CAST: variants seen among roughly 807,000 people sequenced by gnomAD.
CAST encodes the protein MIR583 host.
CAST carries 76 observed loss-of-function variants against 119.6 expected under a neutral mutation model. That is an observed-to-expected ratio of 0.64 (90% CI 0.53 to 0.77). The LOEUF is 0.77. Ranked by LOEUF, CAST falls within the 30% of genes least tolerant of loss-of-function variation. The pLI is 0.00. For missense variants in CAST, 953 were observed against 946.5 expected (o/e 1.01, Z -0.09); for synonymous variants, 319 against 331.6 (o/e 0.96, Z 0.41).
chr5:96,722,200 C>T (rs1269868783), intron 3 of CAST, among the ~76,000 whole-genome samples: 2 of 152,154 alleles, frequency 1.3e-5, no homozygotes, highest in Non-Finnish European at 2.9e-5. Context: ...AGTCACAGAG[C>T]TTGTAACTGA....
At chr5:96,118,573 A>C in the CAST span, among the ~76,000 whole-genome samples, 1 of 152,112 alleles carries the variant, frequency 6.6e-6, no homozygotes, top group East Asian at 1.9e-4. Flanking sequence ...CTACTGACTA[A>C]CCAATTCTCT....
chr5:96,678,796 G>A (rs184163044), intron 2 of CAST, among the ~76,000 whole-genome samples: 2 of 152,028 alleles, frequency 1.3e-5, no homozygotes, highest in Non-Finnish European at 2.9e-5. Flanking sequence ...GCAGTGAGCC[G>A]AGATCACGCC....
chr5:96,360,250 G>A, the CAST span, among the ~76,000 whole-genome samples: 3 of 151,780 alleles, frequency 2.0e-5, no homozygotes, highest in Non-Finnish European at 4.4e-5. Context: ...TTTTTTCAAG[G>A]TTCTTAGCCT....
At chr5:96,067,638 C>A in the CAST span, among the ~76,000 whole-genome samples, 1 of 152,154 alleles carries the variant, frequency 6.6e-6, no homozygotes, top group Non-Finnish European at 1.5e-5. Flanking sequence ...CACCTATCTG[C>A]AAATACAAAA....
upstream of CAST, among the ~76,000 whole-genome samples, chr5:96,528,200 T>C (rs943187151): frequency 1.9e-4 from 29 of 152,328 alleles, no homozygotes; most frequent in Admixed American, 1.6e-3. Flanking sequence ...AGTATTCAAA[T>C]CTAGGTGGTC....
intron 3 of CAST, among the ~76,000 whole-genome samples, chr5:96,720,768 CA>C (rs1758093138): frequency 1.3e-5 from 2 of 152,190 alleles, no homozygotes; most frequent in Admixed American, 1.3e-4. Context: ...GCAGGCTGGA[CA>C]ATTCAAGGCA....
chr5:96,425,253 T>G, the CAST span, among the ~76,000 whole-genome samples: 1 of 152,224 alleles, frequency 6.6e-6, no homozygotes, highest in Non-Finnish European at 1.5e-5. Flanking sequence ...GAGGACACCC[T>G]GCAGGTAGAC....
chr5:96,216,319 T>C, the CAST span, among the ~76,000 whole-genome samples: 1 of 152,154 alleles, frequency 6.6e-6, no homozygotes, highest in Non-Finnish European at 1.5e-5. Flanking sequence ...AACCCCCACA[T>C]TGTTCAAGGG....
upstream of CAST, among the ~76,000 whole-genome samples, chr5:96,661,667 C>G (rs1327151584): frequency 6.6e-6 from 1 of 152,148 alleles, no homozygotes; most frequent in East Asian, 1.9e-4. Flanking sequence ...TTAAGATGAG[C>G]CCAAGAAGAA....
the CAST span, among the ~76,000 whole-genome samples, chr5:96,380,965 T>A: frequency 1.1e-4 from 17 of 152,328 alleles, no homozygotes; most frequent in South Asian, 3.3e-3. Context: ...CTACATTGTA[T>A]CTTTTAAAAA....
upstream of CAST, chr5:96,662,322 T>TCCCCC: frequency 1.8e-6 from 1 of 567,040 alleles, no homozygotes; most frequent in Non-Finnish European, 2.5e-6. Flanking sequence ...GGCCCTCCGC[T>TCCCCC]CCCTCCCTCC....
At chr5:96,577,050 C>T (rs1337228475) in intron 1 of CAST, among the ~76,000 whole-genome samples, 1 of 152,144 alleles carries the variant, frequency 6.6e-6, no homozygotes. Context: ...GTTCTCATTG[C>T]TTAGCTCCCA....
intron 1 of CAST, among the ~76,000 whole-genome samples, chr5:96,589,757 G>A (rs948848490): frequency 1.3e-5 from 2 of 152,156 alleles, no homozygotes; most frequent in South Asian, 4.1e-4. Context: ...TTTTCTTTGA[G>A]TATGTTCAAT....
At chr5:96,592,793 C>G (rs1402835654) in intron 1 of CAST, among the ~76,000 whole-genome samples, 4 of 149,220 alleles carry the variant, frequency 2.7e-5, no homozygotes, top group Non-Finnish European at 4.4e-5. Flanking sequence ...GAGACAGAGT[C>G]TTGCTCTGTC....
intron 1 of CAST, among the ~76,000 whole-genome samples, chr5:96,621,945 C>T (rs887603439): frequency 2.7e-5 from 4 of 149,554 alleles, no homozygotes; most frequent in Non-Finnish European, 4.4e-5. Flanking sequence ...TTAGAGTTAG[C>T]ATTCTTTTTT....
intron 1 of CAST, among the ~76,000 whole-genome samples, chr5:96,554,680 T>C (rs937527514): frequency 6.6e-6 from 1 of 151,990 alleles, no homozygotes; most frequent in Admixed American, 6.6e-5. Context: ...ATATCCAGAA[T>C]CCATAAAGAA....
intron 1 of CAST, among the ~76,000 whole-genome samples, chr5:96,579,632 A>G (rs1292287506): frequency 1.3e-5 from 2 of 152,110 alleles, no homozygotes; most frequent in African/African-American, 4.8e-5. Flanking sequence ...CCGCTGTGCT[A>G]TTCCTCCTGA....
the CAST span, among the ~76,000 whole-genome samples, chr5:96,069,266 C>T: frequency 6.6e-6 from 1 of 151,390 alleles, no homozygotes; most frequent in Non-Finnish European, 1.5e-5. Flanking sequence ...CACATATATA[C>T]ACAAATATAT....
the CAST span, among the ~76,000 whole-genome samples, chr5:96,169,519 G>A: frequency 1.3e-5 from 2 of 152,170 alleles, no homozygotes; most frequent in African/African-American, 2.4e-5. Flanking sequence ...CCGGTTTTTG[G>A]ACAGGTAAAA....
Sources: allele counts gnomAD v4.1 joint callset (sites outside exome capture counted in the v4.1 genomes callset), GRCh38; gene constraint gnomAD v4.1.1; transcripts MANE v1.5; gene names NCBI Gene and HGNC (gene_info 2026-07-23, HGNC 2026-07-21).